SNTG2: variants seen among roughly 807,000 people sequenced by gnomAD.
SNTG2 encodes gamma-2-syntrophin.
A neutral mutation model predicts 70.9 loss-of-function variants in SNTG2; 74 were observed. The observed-to-expected ratio is 1.04, with a 90% CI of 0.86 to 1.27. The LOEUF (loss-of-function observed/expected upper bound fraction) is 1.27, where lower values mean the gene tolerates loss of function less well. Among genes scored for constraint, SNTG2 ranks in the 50% most tolerant of loss-of-function variants. The pLI, the probability that SNTG2 is intolerant of heterozygous loss-of-function variation, is 0.00. For missense variants in SNTG2, 717 were observed against 690.7 expected (o/e 1.04, Z -0.43); for synonymous variants, 278 against 273.8 (o/e 1.02, Z -0.15).
At chr2:1,317,095 C>G (rs80020963) in intron 16 of SNTG2, among the ~76,000 whole-genome samples, 31 of 79,806 alleles carry the variant, frequency 3.9e-4, no homozygotes, top group African/African-American at 7.0e-4. Flanking sequence ...CATTTAGCAT[C>G]AGGCCAGCAT....
intron 4 of SNTG2, among the ~76,000 whole-genome samples, chr2:1,113,286 A>G (rs1228331717): frequency 6.6e-6 from 1 of 152,044 alleles, no homozygotes; most frequent in East Asian, 1.9e-4. Flanking sequence ...TCCTTTGAGA[A>G]GGATCGTGTG....
At chr2:1,363,853 A>C (rs1452206848) in intron 16 of SNTG2, among the ~76,000 whole-genome samples, 10 of 152,204 alleles carry the variant, frequency 6.6e-5, no homozygotes, top group Non-Finnish European at 1.3e-4. Context: ...TCATGACATA[A>C]TGGATTGAGT....
intron 13 of SNTG2, among the ~76,000 whole-genome samples, chr2:1,264,574 C>T (rs1189979726): frequency 1.3e-5 from 2 of 152,254 alleles, no homozygotes; most frequent in African/African-American, 4.8e-5. Context: ...AGATTGAGGT[C>T]TGCAGCGTGG....
chr2:1,334,701 A>G (rs1015794342), intron 16 of SNTG2, among the ~76,000 whole-genome samples: 4 of 152,212 alleles, frequency 2.6e-5, no homozygotes, highest in Non-Finnish European at 4.4e-5. Flanking sequence ...ATGGAAAACC[A>G]AATATCACGT....
intron 8 of SNTG2, among the ~76,000 whole-genome samples, chr2:1,178,267 C>T (rs1049723251): frequency 6.6e-6 from 1 of 152,184 alleles, no homozygotes; most frequent in Non-Finnish European, 1.5e-5. Context: ...ATTTGACTTC[C>T]TCTTTTCCTA....
chr2:1,051,179 T>C lies in SNTG2; in HGVS notation c.73-32339T>C, dbSNP rs201520715. Among the ~76,000 whole-genome samples the C allele has an allele frequency of 1.0e-3, 114 of 108,584 alleles. 2 individuals carry two copies. In the East Asian group the frequency reaches 0.038, roughly 36 times the overall value. 71.2% of individuals were successfully genotyped at this position (108,584 alleles called of 152,430 possible). A position where few individuals can be genotyped will look rare whatever the true frequency, so the allele number is the denominator to read the frequency against. On this transcript the variant is annotated intron_variant, in intron 1 of 16. Coordinates refer to ENST00000308624, the MANE Select transcript of SNTG2 (RefSeq NM_018968.4). ...CTCTCCCCCTTTCTTCCTCCCTCCCTCCTTCCTTTCCTCCCTTCCTCCCTT... is the reference window on the plus strand; with the variant it reads ...CTCTCCCCCTTTCTTCCTCCCTCCCCCCTTCCTTTCCTCCCTTCCTCCCTT...
chr2:1,366,095 G>A (rs763942382), intron 16 of SNTG2, among the ~76,000 whole-genome samples: 6 of 152,150 alleles, frequency 3.9e-5, no homozygotes, highest in Non-Finnish European at 7.3e-5. Context: ...TCTTTCTGGT[G>A]TCATCTCAGC....
chr2:1,147,034 A>G (rs1480574977), intron 6 of SNTG2, among the ~76,000 whole-genome samples: 1 of 152,206 alleles, frequency 6.6e-6, no homozygotes, highest in Non-Finnish European at 1.5e-5. Context: ...TATTGACTTC[A>G]TATCAGCATT....
At chr2:1,057,195 T>C (rs940914562) in intron 1 of SNTG2, among the ~76,000 whole-genome samples, 9 of 152,128 alleles carry the variant, frequency 5.9e-5, no homozygotes, top group Admixed American at 5.9e-4. Flanking sequence ...AACATGGCAC[T>C]ATTCATAAAA....
At chr2:1,253,177 T>C (rs1024307982) in intron 12 of SNTG2, among the ~76,000 whole-genome samples, 7 of 152,216 alleles carry the variant, frequency 4.6e-5, no homozygotes, top group African/African-American at 1.4e-4. Flanking sequence ...GAGAAGCACG[T>C]GGGGCCATGA....
chr2:1,220,927 G>A (rs965446053), intron 9 of SNTG2, among the ~76,000 whole-genome samples: 1 of 152,206 alleles, frequency 6.6e-6, no homozygotes, highest in Non-Finnish European at 1.5e-5. Flanking sequence ...ACTACCTAAG[G>A]TAGCTCTCCT....
At chr2:1,229,878 G>A (rs1676082775) in intron 9 of SNTG2, among the ~76,000 whole-genome samples, 1 of 152,212 alleles carries the variant, frequency 6.6e-6, no homozygotes, top group Non-Finnish European at 1.5e-5. Context: ...CGGCAGGGCC[G>A]GCTGCTCCGA....
At chr2:978,382 T>C (rs1474448378) in intron 1 of SNTG2, among the ~76,000 whole-genome samples, 1 of 152,252 alleles carries the variant, frequency 6.6e-6, no homozygotes, top group Non-Finnish European at 1.5e-5. Flanking sequence ...CATTCAAGTT[T>C]AGTTGGTAAA....
intron 1 of SNTG2, among the ~76,000 whole-genome samples, chr2:954,705 C>A (rs2147938982): frequency 6.6e-6 from 1 of 152,332 alleles, no homozygotes; most frequent in Non-Finnish European, 1.5e-5. Context: ...TGACCCCAGC[C>A]TGTGGCTCTT....
chr2:1,191,132 T>G (rs1456038489), intron 8 of SNTG2, among the ~76,000 whole-genome samples: 1 of 152,168 alleles, frequency 6.6e-6, no homozygotes, highest in Non-Finnish European at 1.5e-5. Flanking sequence ...CATTGGGCCC[T>G]AGGAGGAACA....
intron 8 of SNTG2, among the ~76,000 whole-genome samples, chr2:1,179,299 T>C (rs1445539109): frequency 6.6e-6 from 1 of 152,190 alleles, no homozygotes; most frequent in Non-Finnish European, 1.5e-5. Flanking sequence ...GTGTCTCTAT[T>C]TCCTTCAGTT....
chr2:1,334,302 C>T (rs1417907335), intron 16 of SNTG2, among the ~76,000 whole-genome samples: 4 of 152,026 alleles, frequency 2.6e-5, no homozygotes, highest in Admixed American at 6.5e-5. Flanking sequence ...CAATAGATGT[C>T]GGTGTGAATG....
chr2:1,022,534 C>T (rs1236235159), intron 1 of SNTG2, among the ~76,000 whole-genome samples: 1 of 152,026 alleles, frequency 6.6e-6, no homozygotes, highest in Non-Finnish European at 1.5e-5. Flanking sequence ...TCCTTGCATT[C>T]CCGTCAGTCC....
At chr2:1,318,228 T>A (rs1171845264) in intron 16 of SNTG2, among the ~76,000 whole-genome samples, 1 of 152,214 alleles carries the variant, frequency 6.6e-6, no homozygotes, top group African/African-American at 2.4e-5. Context: ...AAATAAATTT[T>A]AAAAAATAGA....
Sources: gnomAD v4.1 joint callset for allele counts (sites outside exome capture counted in the v4.1 genomes callset) on GRCh38, gnomAD v4.1.1 for gene constraint, MANE v1.5 for transcripts, NCBI Gene and HGNC (gene_info 2026-07-23, HGNC 2026-07-21) for gene names.